MICAL3: variants seen among roughly 807,000 people sequenced by gnomAD.
MICAL3 encodes the protein [F-actin]-monooxygenase MICAL3.
Under a neutral mutation model 207.4 loss-of-function variants are expected in MICAL3, and 62 were observed. The ratio of observed to expected loss-of-function variants is 0.30; its 90% CI spans 0.24 to 0.37. MICAL3 has a LOEUF of 0.37. Among genes scored for constraint, MICAL3 ranks in the 10% least tolerant of loss-of-function variants. The pLI is 1.00. For missense variants in MICAL3, 2,368 were observed against 2,635.6 expected (o/e 0.90, Z 2.22); for synonymous variants, 1,077 against 1,069.3 (o/e 1.01, Z -0.14).
intron 1 of MICAL3, among the ~76,000 whole-genome samples, chr22:17,909,803 A>G (rs1402099893): frequency 6.6e-6 from 1 of 152,256 alleles, no homozygotes; most frequent in African/African-American, 2.4e-5. Flanking sequence ...ATGTGAAGGC[A>G]GGAGAAATGG....
At chr22:17,803,962 G>C in intron 29 of MICAL3, 1 of 487,062 alleles carries the variant, frequency 2.1e-6, no homozygotes, top group Non-Finnish European at 2.7e-6. Flanking sequence ...CAATGATATG[G>C]AGCGCAAGAA....
At chr22:17,929,288 A>C (rs1447173674) in intron 1 of MICAL3, among the ~76,000 whole-genome samples, 1 of 129,684 alleles carries the variant, frequency 7.7e-6, no homozygotes, top group Non-Finnish European at 1.6e-5. Flanking sequence ...TTTTTTTTAG[A>C]GGCAAAGTCT....
chr22:17,897,700 C>T (rs1310037973), intron 7 of MICAL3, among the ~76,000 whole-genome samples: 2 of 152,034 alleles, frequency 1.3e-5, no homozygotes, highest in Non-Finnish European at 2.9e-5. Context: ...ACTCATGACA[C>T]CCAAAGGAAG....
intron 19 of MICAL3, among the ~76,000 whole-genome samples, chr22:17,846,134 G>A (rs73384581): frequency 0.023 from 3,558 of 152,314 alleles, 59 homozygotes; most frequent in African/African-American, 0.05. Context: ...TGCTGGGGAC[G>A]GTGGAAAAGG....
chr22:18,020,999 T>G (rs1164161677), intron 1 of MICAL3, among the ~76,000 whole-genome samples: 1 of 152,158 alleles, frequency 6.6e-6, no homozygotes, highest in African/African-American at 2.4e-5. Context: ...CATGACTCAC[T>G]GATGAGTCAC....
chr22:17,939,345 A>G (rs953027919), intron 1 of MICAL3, among the ~76,000 whole-genome samples: 4 of 152,270 alleles, frequency 2.6e-5, no homozygotes, highest in Admixed American at 1.3e-4. Context: ...AAAGTGGGTC[A>G]GGGAACAGGG....
intron 1 of MICAL3, among the ~76,000 whole-genome samples, chr22:18,020,374 A>C (rs1346163821): frequency 6.6e-6 from 1 of 151,224 alleles, no homozygotes; most frequent in Non-Finnish European, 1.5e-5. Flanking sequence ...TGTCCAAACG[A>C]GTGCACTTCC....
At chr22:17,920,119 C>T (rs1932764444) in intron 1 of MICAL3, among the ~76,000 whole-genome samples, 2 of 152,270 alleles carry the variant, frequency 1.3e-5, no homozygotes, top group African/African-American at 4.8e-5. Context: ...GCATTTCATA[C>T]TTGCTGGGCG....
Position 17,817,845 on chromosome 22 carries a change from T to G in MICAL3, c.4816A>C (p.Ser1606Arg). The G allele has an allele frequency of 6.2e-7, 1 of 1,612,094 alleles. No individual in the cohort carries two copies. Among genetic ancestry groups the G allele is most frequent in the Non-Finnish European group, 8.5e-7 (1 of 1,179,640 alleles). ...RMRAREKSVK[S>R]QALRDAMARQ... ...GCCATGGCGTCCCGCAGCGCCTGGC[T>G]CTTCACGGACTTCTCCCTGGCTCGC... is the stretch of plus-strand genomic sequence containing the variant. Residue 1606 changes from serine to arginine, a missense_variant, in exon 26 of 32, where the codon AGC becomes CGC. Ser to Arg is a moderately radical substitution (Grantham distance 110). Coordinates refer to ENST00000441493, the MANE Select transcript of MICAL3 (RefSeq NM_015241.3).
intron 29 of MICAL3, among the ~76,000 whole-genome samples, chr22:17,792,778 A>C (rs2061837341): frequency 6.6e-6 from 1 of 152,324 alleles, no homozygotes; most frequent in Admixed American, 6.5e-5. Flanking sequence ...GAAGGACGGA[A>C]ACCCCCCAGC....
intron 1 of MICAL3, among the ~76,000 whole-genome samples, chr22:17,940,623 A>G (rs1426328450): frequency 6.6e-6 from 1 of 152,126 alleles, no homozygotes; most frequent in Non-Finnish European, 1.5e-5. Flanking sequence ...AGCTCATTAC[A>G]AGGAAAGAGG....
intron 1 of MICAL3, among the ~76,000 whole-genome samples, chr22:17,955,735 C>T (rs1415097838): frequency 2.6e-5 from 4 of 152,224 alleles, no homozygotes; most frequent in African/African-American, 9.6e-5. Context: ...ATTTGCTATG[C>T]ACCTCAATAT....
chr22:17,891,322 C>T (rs746507627), intron 12 of MICAL3, among the ~76,000 whole-genome samples, 163 bp downstream of exon 12: 1 of 151,972 alleles, frequency 6.6e-6, no homozygotes, highest in African/African-American at 2.4e-5. Flanking sequence ...TAATACATGA[C>T]ATACAGAGTT....
rs1272979212 is a variant in MICAL3, at chr22:17,896,992, AG to A, written c.949-12del. On this transcript the variant is annotated splice_polypyrimidine_tract_variant and intron_variant, in intron 7 of 31. Transcript: ENST00000441493. Reference sequence around the variant, plus strand: ...TGTGTCGGCGTAGTCCTGTCTCCAGAGAAAGAGGAGGGTAGGGATGGAGAAG... The same window carrying A: ...TGTGTCGGCGTAGTCCTGTCTCCAGAAAAGAGGAGGGTAGGGATGGAGAAG... The A allele has an allele frequency of 6.2e-7, 1 of 1,605,332 alleles. No individual in the cohort carries two copies. Among genetic ancestry groups the A allele is most frequent in the African/African-American group, 1.3e-5 (1 of 74,680 alleles).
At chr22:17,875,841 C>G (rs2146181066) in intron 16 of MICAL3, among the ~76,000 whole-genome samples, 1 of 152,282 alleles carries the variant, frequency 6.6e-6, no homozygotes, top group South Asian at 2.1e-4. Context: ...CGGCCTCCCT[C>G]TGAATGGGTA....
At position 17,952,697 on chromosome 22, in the gene MICAL3, G is replaced by A. The variant is rs191931959; in HGVS notation, c.-74-45811C>T. 2.7e-4 allele frequency among the ~76,000 whole-genome samples: 40 copies of A among 149,778 alleles called. No homozygotes were observed. The East Asian group carries it at 4.2e-3, about 16-fold the overall frequency. ...AGGGGGTGGAGAGGTCCACACAGGC[G>A]GGGCGTCAGAGAGGCCACTGAGTGC... On this transcript the variant is annotated intron_variant, in intron 1 of 31. Transcript: ENST00000441493.
Position 17,841,530 on chromosome 22 carries a change from A to C in MICAL3, c.2801+292T>G. 1.8e-6 allele frequency: 1 copy of C among 540,740 alleles called. No homozygotes were observed. Among genetic ancestry groups the C allele is most frequent in the Non-Finnish European group, 3.3e-6 (1 of 302,794 alleles). The allele number at this position is 540,740 out of a possible 1,614,324, so 33.5% of individuals were successfully genotyped here. On this transcript the variant is annotated intron_variant, in intron 20 of 31. Coordinates refer to ENST00000441493, the MANE Select transcript of MICAL3 (RefSeq NM_015241.3). This position sits in a 1 kb window ranked among gnomAD's most constrained non-coding sequence, Gnocchi z 4.2. ...CCTTCCCTCTGCTGAATCTGTGAAT[A>C]ACCCGGGGGCAGAGCCTGCCACTTT...
chr22:18,022,349 C>A (rs1322399428), intron 1 of MICAL3, among the ~76,000 whole-genome samples: 1 of 152,142 alleles, frequency 6.6e-6, no homozygotes, highest in Non-Finnish European at 1.5e-5. Flanking sequence ...AGGATAATAA[C>A]ACTTTATAAT....
At chr22:17,965,660 A>G (rs929935552) in intron 1 of MICAL3, among the ~76,000 whole-genome samples, 1 of 152,228 alleles carries the variant, frequency 6.6e-6, no homozygotes, top group Non-Finnish European at 1.5e-5. Flanking sequence ...CCCAAGTCAC[A>G]CAGTAAGAGC....
Sources: allele counts gnomAD v4.1 joint callset (sites outside exome capture counted in the v4.1 genomes callset), GRCh38; gene constraint gnomAD v4.1.1; non-coding constraint Gnocchi (gnomAD v3.1); transcripts MANE v1.5; gene names NCBI Gene and HGNC (gene_info 2026-07-23, HGNC 2026-07-21).